PTBP2: variants seen among roughly 807,000 people sequenced by gnomAD.
PTBP2 encodes polypyrimidine tract binding protein 2.
PTBP2 carries 13 observed loss-of-function variants against 61.4 expected under a neutral mutation model. The observed-to-expected ratio is 0.21, with a 90% CI of 0.14 to 0.34. The LOEUF (loss-of-function observed/expected upper bound fraction) is 0.34, where lower values mean the gene tolerates loss of function less well. Among genes scored for constraint, PTBP2 ranks in the 10% least tolerant of loss-of-function variants. The pLI, the probability that PTBP2 is intolerant of heterozygous loss-of-function variation, is 1.00. For missense variants in PTBP2, 405 were observed against 642.6 expected, an observed-to-expected ratio of 0.63 and a Z score of 4.00; for synonymous variants, 215 against 218.5, an observed-to-expected ratio of 0.98 and a Z score of 0.14.
chr1:96,812,115 C>G (rs1662141604), intron 11 of PTBP2, among the ~76,000 whole-genome samples: 1 of 152,118 alleles, frequency 6.6e-6, no homozygotes, highest in Non-Finnish European at 1.5e-5. Flanking sequence ...CCTGTACAGA[C>G]TGGGAAAGGT....
chr1:96,770,741 A>G lies in PTBP2; in HGVS notation c.322A>G (p.Ile108Val), dbSNP rs781728771. Residue 108 changes from isoleucine (I) to valine (V), a missense_variant, in exon 5 of 14, where the codon ATT becomes GTT. By Grantham distance (29) the Ile-to-Val change is conservative. Coordinates refer to ENST00000674951, the MANE Select transcript of PTBP2 (RefSeq NM_021190.4). Reference sequence around the variant, plus strand: ...GGAACTAGCAACCGAGGAAGCAGCTATTACTATGGTTAATTACTATTCTGC... The same window carrying G: ...GGAACTAGCAACCGAGGAAGCAGCTGTTACTATGGTTAATTACTATTCTGC... ...FLELATEEAA[I>V]TMVNYYSAVT... The G allele has an allele frequency of 1.9e-6, 3 of 1,612,328 alleles. No homozygotes were observed. Among genetic ancestry groups the G allele is most frequent in the African/African-American group, 1.3e-5 (1 of 74,992 alleles).
intron 3 of PTBP2, among the ~76,000 whole-genome samples, chr1:96,758,224 G>T (rs1272544677): frequency 6.6e-6 from 1 of 151,872 alleles, no homozygotes; most frequent in Non-Finnish European, 1.5e-5. Context: ...ACTGACTTAA[G>T]TATATAGCTT....
At chr1:96,764,152 TG>T (rs1656382379) in intron 3 of PTBP2, among the ~76,000 whole-genome samples, 1 of 152,238 alleles carries the variant, frequency 6.6e-6, no homozygotes, top group South Asian at 2.1e-4. Flanking sequence ...TTTCTTTCTC[TG>T]TACTTGTTGA....
chr1:96,741,958 ATTAC>A (rs1653092780), intron 2 of PTBP2, among the ~76,000 whole-genome samples: 2 of 152,198 alleles, frequency 1.3e-5, no homozygotes, highest in African/African-American at 2.4e-5. Context: ...CAGTGTCTTA[ATTAC>A]TTATGGCATC....
intron 2 of PTBP2, among the ~76,000 whole-genome samples, chr1:96,745,635 A>G (rs1050062912): frequency 3.9e-5 from 6 of 152,104 alleles, no homozygotes; most frequent in Non-Finnish European, 8.8e-5. Context: ...TTGTGTTTTA[A>G]TTCAATAATG....
At chr1:96,775,497 A>G (rs1289359550) in intron 5 of PTBP2, among the ~76,000 whole-genome samples, 2 of 152,212 alleles carry the variant, frequency 1.3e-5, no homozygotes, top group Non-Finnish European at 2.9e-5. Context: ...GGTAGTGTAC[A>G]TCATAATTAT....
At chr1:96,807,386 A>T (rs1057201088) in intron 11 of PTBP2, among the ~76,000 whole-genome samples, 3 of 152,194 alleles carry the variant, frequency 2.0e-5, no homozygotes, top group African/African-American at 7.2e-5. Context: ...AGCTTGTGCT[A>T]AAAACACTGT....
intron 11 of PTBP2, among the ~76,000 whole-genome samples, chr1:96,808,413 A>G (rs1054939473): frequency 1.3e-4 from 19 of 151,958 alleles, no homozygotes; most frequent in African/African-American, 4.4e-4. Context: ...TGGCCTTTCC[A>G]CTGTGCAAGC....
intron 2 of PTBP2, among the ~76,000 whole-genome samples, chr1:96,746,165 A>G (rs1653737037): frequency 6.6e-6 from 1 of 152,134 alleles, no homozygotes; most frequent in South Asian, 2.1e-4. Context: ...CATTTATGCA[A>G]GCGTTTTTGA....
chr1:96,772,094 G>A (rs1657448223), intron 5 of PTBP2, among the ~76,000 whole-genome samples: 1 of 151,966 alleles, frequency 6.6e-6, no homozygotes, highest in South Asian at 2.1e-4. Flanking sequence ...ACAGGTTGAG[G>A]GCTCAGTCCC....
chr1:96,739,667 C>T (rs2100847078), intron 2 of PTBP2, among the ~76,000 whole-genome samples: 1 of 143,344 alleles, frequency 7.0e-6, no homozygotes, highest in Non-Finnish European at 1.5e-5. Context: ...TACTCTGTCG[C>T]CCAGGCTGGA....
intron 5 of PTBP2, among the ~76,000 whole-genome samples, chr1:96,777,322 A>G (rs546754726): frequency 4.0e-4 from 61 of 152,190 alleles, no homozygotes; most frequent in African/African-American, 1.4e-3. Context: ...TTTGAGAATA[A>G]ATTACATATC....
In PTBP2 at chr1:96,812,887, C is replaced by T; in HGVS notation, c.1347C>T (p.Asn449=). ...FKKPGSKNFQ[N]IFPPSATLHL... is the part of the protein sequence containing the mutation. The stretch of plus-strand genomic sequence containing the variant: ...AACCTGGATCCAAAAATTTTCAAAA[C>T]ATTTTTCCTCCTTCTGCCACCCTTC... The change falls in exon 12 of 14, where the codon AAC becomes AAT. Residue 449 remains asparagine, a synonymous_variant. Coordinates refer to ENST00000674951, the MANE Select transcript of PTBP2 (RefSeq NM_021190.4). 6.2e-7 allele frequency: 1 copy of T among 1,613,834 alleles called. No homozygotes were observed. Among genetic ancestry groups the T allele is most frequent in the Non-Finnish European group, 8.5e-7 (1 of 1,179,778 alleles).
chr1:96,789,129 A>G (rs1659515774), intron 8 of PTBP2, among the ~76,000 whole-genome samples: 2 of 152,048 alleles, frequency 1.3e-5, no homozygotes, highest in South Asian at 4.1e-4. Context: ...ATTTTTCATG[A>G]TCATGTTATC....
At chr1:96,746,071 C>CA (rs34762874) in intron 2 of PTBP2, among the ~76,000 whole-genome samples, 48,914 of 144,538 alleles carry the variant, frequency 0.34, 8,221 homozygotes, top group East Asian at 0.46. Context: ...ATCTCAAAAA[C>CA]AAACAAAAAA....
intron 11 of PTBP2, among the ~76,000 whole-genome samples, chr1:96,809,339 A>C (rs1661811709): frequency 6.6e-6 from 1 of 152,250 alleles, no homozygotes; most frequent in Admixed American, 6.5e-5. Flanking sequence ...AACATTTTTG[A>C]AAAATCAGTC....
chr1:96,784,963 C>T (rs1191740029), intron 7 of PTBP2, 96 bp from the exon 8 acceptor site: 4 of 1,017,750 alleles, frequency 3.9e-6, no homozygotes, highest in Admixed American at 3.0e-5. Flanking sequence ...CTTTTAAGTT[C>T]GAGTTTTTGT....
At chr1:96,821,594 C>G (rs1190206736) in exon 14 of PTBP2, 1 of 151,878 alleles carries the variant, frequency 6.6e-6, no homozygotes, top group Non-Finnish European at 1.5e-5. Flanking sequence ...ATATGGATTA[C>G]TAGCCACATA....
At chr1:96,764,837 A>T (rs1656478961) in intron 3 of PTBP2, among the ~76,000 whole-genome samples, 2 of 152,220 alleles carry the variant, frequency 1.3e-5, no homozygotes, top group Non-Finnish European at 2.9e-5. Context: ...ATATAAAGGT[A>T]GTGAGAGCCT....
Sources: gnomAD v4.1 joint callset for allele counts (sites outside exome capture counted in the v4.1 genomes callset) on GRCh38, gnomAD v4.1.1 for gene constraint, MANE v1.5 for transcripts, NCBI Gene and HGNC (gene_info 2026-07-23, HGNC 2026-07-21) for gene names.